Variants in CYB5R3 observed in about 807,000 individuals in gnomAD.
CYB5R3 encodes the protein NADH-cytochrome b5 reductase 3.
Under a neutral mutation model 36.5 loss-of-function variants are expected in CYB5R3, and 28 were observed. The ratio of observed to expected loss-of-function variants is 0.77; its 90% CI spans 0.57 to 1.05. The LOEUF (loss-of-function observed/expected upper bound fraction) is 1.05, where lower values mean the gene tolerates loss of function less well. Ranked by LOEUF, CYB5R3 falls within the 50% of genes least tolerant of loss-of-function variation. The pLI is 0.00. For missense variants in CYB5R3, 474 were observed against 408.9 expected (o/e 1.16, Z -1.37); for synonymous variants, 181 against 159.8 (o/e 1.13, Z -1.00).
At chr22:42,620,346 G>A (rs1213879949) in intron 8 of CYB5R3, among the ~76,000 whole-genome samples, 1 of 152,106 alleles carries the variant, frequency 6.6e-6, no homozygotes, top group Non-Finnish European at 1.5e-5. Flanking sequence ...GGACACGACT[G>A]AGATGTACCT....
rs768563261 is a variant in CYB5R3 at position 42,623,786 on chromosome 22, C to T, written c.733+3G>A. 2 of 1,613,826 alleles carry T rather than the reference C, an allele frequency of 1.2e-6. No individual in the cohort carries two copies. Among genetic ancestry groups the T allele is most frequent in the South Asian group, 1.1e-5 (1 of 91,060 alleles). ...CACCCAGTGAGGGGCCTCCCTCACT[C>T]ACCTTCAGGGGCTCTGTCCAGCGTG... On this transcript the variant is annotated splice_donor_region_variant and intron_variant, in intron 8 of 8. Transcript: ENST00000352397.
At chr22:42,644,518 G>C in intron 1 of CYB5R3, 1 of 1,378,654 alleles carries the variant, frequency 7.3e-7, no homozygotes, top group Non-Finnish European at 1.0e-6. Context: ...ATTCCTCAGA[G>C]CCTAGCTCAA....
intron 1 of CYB5R3, chr22:42,639,747 C>G (rs549966238): frequency 7.3e-6 from 4 of 548,318 alleles, no homozygotes; most frequent in African/African-American, 3.8e-5. Flanking sequence ...GAGATACACA[C>G]TGAAATATTT....
At chr22:42,622,066 G>A (rs1356321781) in intron 8 of CYB5R3, among the ~76,000 whole-genome samples, 2 of 39,434 alleles carry the variant, frequency 5.1e-5, no homozygotes, top group African/African-American at 1.1e-4. Flanking sequence ...GGGACTACAG[G>A]CACGCGACAC....
At chr22:42,642,017 T>C (rs1003921263) in intron 1 of CYB5R3, among the ~76,000 whole-genome samples, 6 of 152,214 alleles carry the variant, frequency 3.9e-5, no homozygotes, top group Non-Finnish European at 7.3e-5. Context: ...GTATCTAATA[T>C]ATTTAACATA....
intron 1 of CYB5R3, chr22:42,646,632 C>G: frequency 1.0e-6 from 1 of 985,370 alleles, no homozygotes; most frequent in Non-Finnish European, 1.2e-6. Context: ...AGTCGGGTGA[C>G]TTGCTTACCT....
At chr22:42,630,042 C>A (rs1365151511) in intron 4 of CYB5R3, among the ~76,000 whole-genome samples, 1 of 152,168 alleles carries the variant, frequency 6.6e-6, no homozygotes, top group Non-Finnish European at 1.5e-5. Flanking sequence ...TCAGGTGATC[C>A]ACCCGCCTTG....
chr22:42,638,396 C>CAAAAAA (rs1206825251), intron 1 of CYB5R3, among the ~76,000 whole-genome samples: 1 of 36,496 alleles, frequency 2.7e-5, no homozygotes, highest in Non-Finnish European at 5.0e-5. Context: ...AACTCCATCT[C>CAAAAAA]AAAAAAAAAA....
intron 8 of CYB5R3, among the ~76,000 whole-genome samples, chr22:42,620,721 CA>C (rs1437017883): frequency 6.6e-6 from 1 of 152,186 alleles, no homozygotes; most frequent in Non-Finnish European, 1.5e-5. Context: ...GGGGCCAAAG[CA>C]GTCCCGCTTG....
chr22:42,642,516 G>C (rs1929333187), intron 1 of CYB5R3, among the ~76,000 whole-genome samples: 1 of 152,330 alleles, frequency 6.6e-6, no homozygotes, highest in East Asian at 1.9e-4. Context: ...TCAGCTCACT[G>C]CAAGCTCTGC....
At chr22:42,630,727 G>C (rs563875694) in intron 4 of CYB5R3, among the ~76,000 whole-genome samples, 155 bp downstream of exon 4, 6 of 152,314 alleles carry the variant, frequency 3.9e-5, no homozygotes, top group Admixed American at 1.3e-4. Context: ...AGAAGCCACT[G>C]CCCCTGCAAG....
At chr22:42,636,302 G>A (rs1181890145) in intron 2 of CYB5R3, among the ~76,000 whole-genome samples, 1 of 152,202 alleles carries the variant, frequency 6.6e-6, no homozygotes, top group Non-Finnish European at 1.5e-5. Context: ...GAGCACCCAG[G>A]GAATCTGCAC....
intron 6 of CYB5R3, 31 bp from the exon 7 acceptor site, chr22:42,627,420 G>T: frequency 6.2e-7 from 1 of 1,600,768 alleles, no homozygotes; most frequent in Non-Finnish European, 8.6e-7. Flanking sequence ...CCTCGCACGT[G>T]CTGAGCGAGG....
At chr22:42,649,225 C>T in intron 1 of CYB5R3, 70 bp downstream of exon 1, 1 of 659,436 alleles carries the variant, frequency 1.5e-6, no homozygotes, top group Non-Finnish European at 2.0e-6. Context: ...CGCAGGCCAG[C>T]CCGCCCCCTC....
intron 2 of CYB5R3, chr22:42,631,769 C>T: frequency 2.3e-6 from 1 of 433,992 alleles, no homozygotes; most frequent in African/African-American, 2.0e-5. Flanking sequence ...AGGGAGGAAT[C>T]CATCTCTGCC....
intron 1 of CYB5R3, among the ~76,000 whole-genome samples, chr22:42,638,111 G>A (rs780516586): frequency 1.5e-4 from 23 of 151,838 alleles, no homozygotes; most frequent in Non-Finnish European, 2.7e-4. Flanking sequence ...TTAGCTGGTT[G>A]TAGGCCCGGT....
At chr22:42,634,879 A>T (rs973225601) in intron 2 of CYB5R3, among the ~76,000 whole-genome samples, 2 of 147,010 alleles carry the variant, frequency 1.4e-5, no homozygotes, top group African/African-American at 5.1e-5. Context: ...ATCTCGGCTC[A>T]CTGCAAGCTC....
intron 2 of CYB5R3, among the ~76,000 whole-genome samples, chr22:42,635,157 G>A (rs1223339826): frequency 6.6e-6 from 1 of 152,074 alleles, no homozygotes; most frequent in Non-Finnish European, 1.5e-5. Context: ...TTTTAGTAGA[G>A]ATAGGGTTTC....
chr22:42,627,751 C>T, intron 5 of CYB5R3, 63 bp from the exon 6 acceptor site: 1 of 1,282,200 alleles, frequency 7.8e-7, no homozygotes, highest in Non-Finnish European at 1.1e-6. Flanking sequence ...GCTGGAGAGG[C>T]TGGAGAGGGG....
Sources: gnomAD v4.1 joint callset for allele counts (sites outside exome capture counted in the v4.1 genomes callset) on GRCh38, gnomAD v4.1.1 for gene constraint, MANE v1.5 for transcripts, NCBI Gene and HGNC (gene_info 2026-07-23, HGNC 2026-07-21) for gene names.